The following DDX10 variants were observed in gnomAD, a reference collection of about 807,000 sequenced individuals.
DDX10 encodes the protein DEAD-box helicase 10.
Under a neutral mutation model 104.3 loss-of-function variants are expected in DDX10, and 74 were observed. The observed-to-expected ratio is 0.71, with a 90% CI of 0.59 to 0.86. The LOEUF (loss-of-function observed/expected upper bound fraction) is 0.86, where lower values mean the gene tolerates loss of function less well. Ranked by LOEUF, DDX10 falls within the 40% of genes least tolerant of loss-of-function variation. The pLI is 0.00. For synonymous variants in DDX10, 351 were observed against 353.4 expected (o/e 0.99, Z 0.08); for missense variants, 952 against 1,040.0 (o/e 0.92, Z 1.16).
intron 13 of DDX10, among the ~76,000 whole-genome samples, chr11:108,748,240 A>G (rs1373627491): frequency 3.9e-5 from 6 of 152,204 alleles, no homozygotes; most frequent in Admixed American, 1.3e-4. Context: ...CAGAGATACG[A>G]AGCTAGGGCA....
At chr11:108,837,902 C>T (rs193189937) in intron 13 of DDX10, among the ~76,000 whole-genome samples, 6 of 152,134 alleles carry the variant, frequency 3.9e-5, no homozygotes, top group East Asian at 3.9e-4. Flanking sequence ...GGATTACAGG[C>T]GTGAGCCACC....
chr11:108,668,643 G>A lies in DDX10; in HGVS notation c.186+3304G>A, dbSNP rs1442640908. 2.0e-5 allele frequency among the ~76,000 whole-genome samples: 3 copies of A among 152,086 alleles called. No individual in the cohort carries two copies. The South Asian group carries it at 6.2e-4, about 32-fold the overall frequency. ...GGTGGTGCTCAGTAGCCTCACTGGTGAACTACTGAACAATTTGATTCCGAA... is the reference window on the plus strand; with the variant it reads ...GGTGGTGCTCAGTAGCCTCACTGGTAAACTACTGAACAATTTGATTCCGAA... On this transcript the variant is annotated intron_variant, in intron 1 of 17. Coordinates refer to ENST00000322536, the MANE Select transcript of DDX10 (RefSeq NM_004398.4).
Position 108,940,321 on chromosome 11 carries a change from C to A in DDX10, c.2526C>A (p.Asn842Lys), listed in dbSNP as rs565821886. 2 of 1,614,044 alleles carry A rather than the reference C, an allele frequency of 1.2e-6. No individual in the cohort carries two copies. The highest frequency in any genetic ancestry group is 1.7e-5 in the Admixed American group (1 of 60,022). Residue 842 changes from asparagine (N) to lysine (K), a missense_variant, in exon 18 of 18, where the codon AAC becomes AAA. Asn to Lys is a moderately conservative substitution (Grantham distance 94). Transcript: ENST00000322536. ...EVEDVGPTSH[N>K]RKKARWDTLE... is the part of the protein sequence containing the mutation. ...AAGACGTGGGACCAACAAGTCATAA[C>A]AGAAAGAAGGCCAGGTGGGACACTT...
At chr11:108,715,729 T>G (rs552698512) in intron 10 of DDX10, 150 bp from the exon 11 acceptor site, 1 of 577,532 alleles carries the variant, frequency 1.7e-6, no homozygotes, top group Non-Finnish European at 3.2e-6. Flanking sequence ...GTCAAACTTA[T>G]GTCTAGTTTA....
At chr11:108,854,401 T>C (rs1159045690) in intron 16 of DDX10, among the ~76,000 whole-genome samples, 1 of 152,252 alleles carries the variant, frequency 6.6e-6, no homozygotes, top group Non-Finnish European at 1.5e-5. Flanking sequence ...GTCTTCTCGT[T>C]GATCCTCTTA....
Position 108,936,577 on chromosome 11 carries a change from T to A in DDX10, c.2451-3669T>A, listed in dbSNP as rs564119951. On this transcript the variant is annotated intron_variant, in intron 17 of 17. Transcript: ENST00000322536. ...TATGCAAACTTACATATAGACTTTT[T>A]AAAATACAAATGGACTCTCTCTTTT... 2.0e-5 allele frequency among the ~76,000 whole-genome samples: 3 copies of A among 152,332 alleles called. No individual in the cohort carries two copies. In the South Asian group the frequency reaches 6.2e-4, roughly 32 times the overall value.
intron 1 of DDX10, among the ~76,000 whole-genome samples, chr11:108,668,256 T>C (rs1229317270): frequency 1.3e-5 from 2 of 152,200 alleles, no homozygotes; most frequent in African/African-American, 2.4e-5. Flanking sequence ...TGTGTAAGGT[T>C]AAACAGCTAA....
rs138222407 is a variant in DDX10 at position 108,727,218 on chromosome 11, C to T, written c.1965+3756C>T. Among the ~76,000 whole-genome samples, 149 of 152,028 alleles carry T rather than the reference C, an allele frequency of 9.8e-4. 1 individual carries two copies. The highest frequency in any genetic ancestry group is 3.2e-3 in the African/African-American group (131 of 41,496). The stretch of plus-strand genomic sequence containing the variant: ...TTGCCAGCATAGAGGTCATGTTGAT[C>T]GTTGCCCTACTAGCGTCTGTATTGT... On this transcript the variant is annotated intron_variant, in intron 13 of 17. Coordinates refer to ENST00000322536, the MANE Select transcript of DDX10 (RefSeq NM_004398.4).
At chr11:108,851,370 T>A (rs963946918) in intron 15 of DDX10, among the ~76,000 whole-genome samples, 3 of 152,192 alleles carry the variant, frequency 2.0e-5, no homozygotes, top group African/African-American at 7.2e-5. Context: ...TGTAGTCTGC[T>A]AATCCTCAAA....
chr11:108,800,792 ACTTT>A (rs879731763), intron 13 of DDX10, among the ~76,000 whole-genome samples: 27 of 152,232 alleles, frequency 1.8e-4, no homozygotes, highest in Admixed American at 4.6e-4. Flanking sequence ...ATCCATTTCC[ACTTT>A]CTTAGTTGAT....
chr11:108,940,550 T>C lies in DDX10; in HGVS notation c.*127T>C, dbSNP rs572166957. ...CATTCCCAAAGGGCACATTTCTGGATAGAAGCGATCGTATCTCCAAGTCCC... is the reference window on the plus strand; with the variant it reads ...CATTCCCAAAGGGCACATTTCTGGACAGAAGCGATCGTATCTCCAAGTCCC... On this transcript the variant is annotated 3_prime_UTR_variant, in exon 18 of 18. Coordinates refer to ENST00000322536, the MANE Select transcript of DDX10 (RefSeq NM_004398.4). The C allele has an allele frequency of 1.8e-5, 16 of 889,748 alleles. No individual in the cohort carries two copies. The highest frequency in any genetic ancestry group is 5.3e-5 in the East Asian group (2 of 37,954). The allele number at this position is 889,748 out of a possible 1,614,324, so 55.1% of individuals were successfully genotyped here.
At chr11:108,891,655 A>G (rs914976141) in intron 16 of DDX10, among the ~76,000 whole-genome samples, 1 of 152,208 alleles carries the variant, frequency 6.6e-6, no homozygotes, top group African/African-American at 2.4e-5. Context: ...TACTCTTGAC[A>G]TTATATTACA....
At chr11:108,721,425 A>G (rs2094298204) in intron 12 of DDX10, among the ~76,000 whole-genome samples, 4 of 152,116 alleles carry the variant, frequency 2.6e-5, no homozygotes, top group African/African-American at 7.2e-5. Flanking sequence ...GTTAATTTTT[A>G]TCATGGTTTT....
At chr11:108,859,922 G>A (rs955891268) in intron 16 of DDX10, among the ~76,000 whole-genome samples, 2 of 152,114 alleles carry the variant, frequency 1.3e-5, no homozygotes, top group Non-Finnish European at 2.9e-5. Flanking sequence ...TTGACTGTTA[G>A]TAGTCATTAC....
At chr11:108,811,694 G>T (rs185971083) in intron 13 of DDX10, among the ~76,000 whole-genome samples, 1 of 151,950 alleles carries the variant, frequency 6.6e-6, no homozygotes, top group Admixed American at 6.6e-5. Context: ...GCCTTTTCAC[G>T]GAGTAGGAAA....
At chr11:108,688,401 A>G (rs1189304868) in intron 6 of DDX10, among the ~76,000 whole-genome samples, 1 of 152,210 alleles carries the variant, frequency 6.6e-6, no homozygotes, top group African/African-American at 2.4e-5. Context: ...CATCCCTTCT[A>G]TATTAACCCA....
At chr11:108,773,379 ATGTCT>A (rs1332383597) in intron 13 of DDX10, among the ~76,000 whole-genome samples, 1 of 152,148 alleles carries the variant, frequency 6.6e-6, no homozygotes, top group Non-Finnish European at 1.5e-5. Context: ...CTTACTGTTG[ATGTCT>A]TGTCTTTTGG....
At chr11:108,775,701 A>G (rs919749596) in intron 13 of DDX10, among the ~76,000 whole-genome samples, 2 of 152,212 alleles carry the variant, frequency 1.3e-5, no homozygotes, top group African/African-American at 4.8e-5. Context: ...TACTTTCTCA[A>G]TATAAATCTG....
At chr11:108,916,901 G>C (rs1178760926) in intron 16 of DDX10, among the ~76,000 whole-genome samples, 1 of 152,014 alleles carries the variant, frequency 6.6e-6, no homozygotes, top group Non-Finnish European at 1.5e-5. Flanking sequence ...CTGCTTGCAT[G>C]AAACTGAACA....
Sources: gnomAD v4.1 joint callset for allele counts (sites outside exome capture counted in the v4.1 genomes callset) on GRCh38, gnomAD v4.1.1 for gene constraint, MANE v1.5 for transcripts, NCBI Gene and HGNC (gene_info 2026-07-23, HGNC 2026-07-21) for gene names.